ZFP64: variants seen among roughly 807,000 people sequenced by gnomAD.
The protein encoded by ZFP64 is ZFP64 zinc finger protein, also known as zinc finger protein 64.
A neutral mutation model predicts 51.6 loss-of-function variants in ZFP64; 14 were observed. The observed-to-expected ratio is 0.27, with a 90% confidence interval of 0.18 to 0.42. ZFP64 has a LOEUF of 0.42. Among genes scored for constraint, ZFP64 ranks in the 10% least tolerant of loss-of-function variants. The probability of loss-of-function intolerance (pLI) is 1.00; values close to 1 mark genes in which losing one functional copy is unlikely to be tolerated. For synonymous variants in ZFP64, 375 were observed against 361.4 expected (o/e 1.04, Z -0.43); for missense variants, 754 against 906.8 (o/e 0.83, Z 2.16).
chr20:52,132,572 A>G (rs1979773738), intron 5 of ZFP64, among the ~76,000 whole-genome samples: 1 of 152,310 alleles, frequency 6.6e-6, no homozygotes, highest in East Asian at 1.9e-4. Flanking sequence ...AGTGGCTACT[A>G]TGAGCAACTG....
chr20:52,101,184 G>T (rs1440741750), intron 5 of ZFP64, among the ~76,000 whole-genome samples: 1 of 152,212 alleles, frequency 6.6e-6, no homozygotes, highest in African/African-American at 2.4e-5. Context: ...TAGGGCTGGG[G>T]TTGAGAAAGT....
intron 2 of ZFP64, among the ~76,000 whole-genome samples, chr20:52,168,396 C>T (rs1982456512): frequency 6.6e-6 from 1 of 152,190 alleles, no homozygotes. Flanking sequence ...GTTTCTCTCG[C>T]TCTGCTTGGT....
intron 5 of ZFP64, among the ~76,000 whole-genome samples, chr20:52,132,893 A>G (rs1979790064): frequency 7.7e-6 from 1 of 130,660 alleles, no homozygotes; most frequent in African/African-American, 2.6e-5. Context: ...AAACCAGACA[A>G]AAACACATCA....
rs146696382 is a variant in ZFP64 at position 52,178,657 on chromosome 20, C to G, written c.286+8175G>C. On this transcript the variant is annotated intron_variant, in intron 2 of 5. Coordinates refer to ENST00000216923, the MANE Select transcript of ZFP64 (RefSeq NM_018197.3). ...CTGTGCCATCTCTAGCCACTGTTTT[C>G]AAATCTTGCCCTGAGCTTCCCCCAC... is the stretch of plus-strand genomic sequence containing the variant. Among the ~76,000 whole-genome samples the G allele has an allele frequency of 3.7e-3, 560 of 152,222 alleles. 5 individuals are homozygous for G. Among genetic ancestry groups the G allele is most frequent in the African/African-American group, 0.013 (540 of 41,536 alleles).
chr20:52,113,310 GAT>G (rs2122823059), intron 5 of ZFP64, among the ~76,000 whole-genome samples: 1 of 149,148 alleles, frequency 6.7e-6, no homozygotes, highest in Non-Finnish European at 1.5e-5. Context: ...CTCCAGCCTG[GAT>G]GACAGAGCAA....
intron 2 of ZFP64, among the ~76,000 whole-genome samples, chr20:52,166,440 C>T (rs1982279798): frequency 6.6e-6 from 1 of 151,832 alleles, no homozygotes; most frequent in Admixed American, 6.6e-5. Flanking sequence ...CTGAAGCCAC[C>T]CAAATCTATA....
At chr20:52,178,062 G>GA (rs1170814036) in intron 2 of ZFP64, among the ~76,000 whole-genome samples, 3 of 150,592 alleles carry the variant, frequency 2.0e-5, no homozygotes, top group East Asian at 1.9e-4. Flanking sequence ...AAAGAAAAAA[G>GA]AAAAAAAAGA....
exon 9 of ZFP64, chr20:52,084,268 T>A: frequency 2.5e-6 from 1 of 400,284 alleles, no homozygotes; most frequent in Non-Finnish European, 4.5e-6. Context: ...GTAGAAGCTA[T>A]CCCCATTGGA....
exon 9 of ZFP64, chr20:52,084,308 G>A (rs1258146548): frequency 1.9e-6 from 1 of 513,678 alleles, no homozygotes; most frequent in African/African-American, 1.9e-5. Flanking sequence ...CCCCGCCTTT[G>A]AATGAACAAG....
intron 7 of ZFP64, among the ~76,000 whole-genome samples, chr20:52,089,835 T>C (rs991190981): frequency 2.0e-5 from 3 of 152,014 alleles, no homozygotes; most frequent in African/African-American, 7.3e-5. Context: ...AAAAATGCAC[T>C]ATTCAAATGT....
chr20:52,156,403 C>T (rs142130781), intron 5 of ZFP64, among the ~76,000 whole-genome samples: 6 of 152,286 alleles, frequency 3.9e-5, no homozygotes, highest in Non-Finnish European at 8.8e-5. Flanking sequence ...GCTTACACCT[C>T]GGTCATGACC....
intron 5 of ZFP64, among the ~76,000 whole-genome samples, chr20:52,134,435 T>C (rs760624136): frequency 2.6e-5 from 4 of 152,190 alleles, no homozygotes; most frequent in Non-Finnish European, 5.9e-5. Flanking sequence ...TATTAAGATA[T>C]CTCAGTTTGG....
intron 7 of ZFP64, among the ~76,000 whole-genome samples, chr20:52,095,314 G>A: frequency 6.6e-6 from 1 of 152,196 alleles, no homozygotes; most frequent in East Asian, 1.9e-4. Flanking sequence ...AAGGTGGCAG[G>A]AGGCCATTGT....
At chr20:52,164,604 G>A (rs1360008726) in intron 4 of ZFP64, 91 bp downstream of exon 4, 1 of 1,075,152 alleles carries the variant, frequency 9.3e-7, no homozygotes, top group Non-Finnish European at 1.4e-6. Context: ...GTGACGTTTG[G>A]AGTGGTATCA....
intron 5 of ZFP64, among the ~76,000 whole-genome samples, chr20:52,103,940 G>A (rs1299047535): frequency 6.6e-6 from 1 of 152,228 alleles, no homozygotes; most frequent in African/African-American, 2.4e-5. Context: ...AAACCCACCA[G>A]ACCGACTGTG....
chr20:52,088,408 G>A (rs753366493), exon 8 of ZFP64: 2 of 1,614,068 alleles, frequency 1.2e-6, no homozygotes, highest in East Asian at 2.2e-5. Context: ...GAGATCGCAG[G>A]TGGACGGTGA....
At chr20:52,137,952 G>T (rs893408734) in intron 5 of ZFP64, among the ~76,000 whole-genome samples, 3 of 152,044 alleles carry the variant, frequency 2.0e-5, no homozygotes, top group Non-Finnish European at 4.4e-5. Flanking sequence ...AAAGCGAGCA[G>T]ATTGCTTGAG....
chr20:52,181,473 C>T (rs962251213), intron 2 of ZFP64, among the ~76,000 whole-genome samples: 1 of 152,136 alleles, frequency 6.6e-6, no homozygotes, highest in Non-Finnish European at 1.5e-5. Context: ...TGCCAGACAA[C>T]GGGCAGCTTT....
At chr20:52,112,435 A>G (rs1325110416) in intron 5 of ZFP64, among the ~76,000 whole-genome samples, 1 of 152,194 alleles carries the variant, frequency 6.6e-6, no homozygotes, top group African/African-American at 2.4e-5. Flanking sequence ...GTGTGACCTT[A>G]CTCAACCCTT....
Sources: allele counts gnomAD v4.1 joint callset (sites outside exome capture counted in the v4.1 genomes callset), GRCh38; gene constraint gnomAD v4.1.1; transcripts MANE v1.5; gene names NCBI Gene and HGNC (gene_info 2026-07-23, HGNC 2026-07-21).